The following SMYD3 variants were observed in gnomAD, a reference collection of about 807,000 sequenced individuals.
The protein encoded by SMYD3 is histone-lysine N-methyltransferase SMYD3.
SMYD3 carries 36 observed loss-of-function variants against 57.7 expected under a neutral mutation model. That is an observed-to-expected ratio of 0.62 (90% confidence interval 0.48 to 0.82). The LOEUF (loss-of-function observed/expected upper bound fraction) is 0.82, where lower values mean the gene tolerates loss of function less well. Ranked by LOEUF, SMYD3 falls within the 40% of genes least tolerant of loss-of-function variation. The probability of loss-of-function intolerance (pLI) is 0.00; values close to 1 mark genes in which losing one functional copy is unlikely to be tolerated. For synonymous variants in SMYD3, 211 were observed against 195.0 expected (o/e 1.08, Z -0.68); for missense variants, 515 against 538.8 (o/e 0.96, Z 0.44).
At chr1:246,033,702 G>A (rs1380654559) in intron 5 of SMYD3, among the ~76,000 whole-genome samples, 4 of 152,258 alleles carry the variant, frequency 2.6e-5, no homozygotes, top group African/African-American at 7.2e-5. Flanking sequence ...CACGAGAATC[G>A]CTTGAACCCA....
intron 5 of SMYD3, among the ~76,000 whole-genome samples, chr1:245,943,007 T>C (rs2057304812): frequency 6.6e-6 from 1 of 151,936 alleles, no homozygotes; most frequent in Non-Finnish European, 1.5e-5. Context: ...GAATTTATGG[T>C]ACTAAAAGCC....
At chr1:246,498,231 T>C (rs1269574702) in intron 1 of SMYD3, among the ~76,000 whole-genome samples, 1 of 152,032 alleles carries the variant, frequency 6.6e-6, no homozygotes, top group East Asian at 2.0e-4. Context: ...ACATGCAAGG[T>C]TATTCATTAG....
intron 5 of SMYD3, among the ~76,000 whole-genome samples, chr1:246,230,304 AAAG>A (rs1159930505): frequency 6.6e-6 from 1 of 152,186 alleles, no homozygotes; most frequent in Non-Finnish European, 1.5e-5. Context: ...GCAGAAAGAG[AAAG>A]AATAGGCCAT....
intron 5 of SMYD3, among the ~76,000 whole-genome samples, chr1:245,980,681 G>A (rs571742060): frequency 1.3e-5 from 2 of 152,360 alleles, no homozygotes; most frequent in South Asian, 4.1e-4. Context: ...GCAGCTGTCA[G>A]TAACTCTGCA....
chr1:246,112,627 GT>G (rs2061264523), intron 5 of SMYD3, among the ~76,000 whole-genome samples: 1 of 152,008 alleles, frequency 6.6e-6, no homozygotes, highest in Non-Finnish European at 1.5e-5. Context: ...AATTTACACC[GT>G]GAATAATGTG....
chr1:246,367,006 A>C (rs1405088215), intron 1 of SMYD3, among the ~76,000 whole-genome samples: 1 of 152,144 alleles, frequency 6.6e-6, no homozygotes, highest in East Asian at 1.9e-4. Context: ...TGGGGAAAAA[A>C]AGAGAAATGT....
intron 5 of SMYD3, among the ~76,000 whole-genome samples, chr1:246,075,829 G>A (rs1308778844): frequency 6.6e-6 from 1 of 151,442 alleles, no homozygotes; most frequent in East Asian, 1.9e-4. Flanking sequence ...AGACTGAGGA[G>A]TTCATATTTT....
At chr1:245,968,198 T>C (rs1386943850) in intron 5 of SMYD3, among the ~76,000 whole-genome samples, 1 of 150,640 alleles carries the variant, frequency 6.6e-6, no homozygotes, top group African/African-American at 2.4e-5. Context: ...CTGAGCACTT[T>C]AATCCCCCCC....
At chr1:246,416,667 A>T (rs762687944) in intron 1 of SMYD3, among the ~76,000 whole-genome samples, 1 of 152,132 alleles carries the variant, frequency 6.6e-6, no homozygotes, top group Non-Finnish European at 1.5e-5. Context: ...GCAGAAAATT[A>T]CTATGACTAT....
chr1:245,822,916 T>C (rs981330051), intron 10 of SMYD3, among the ~76,000 whole-genome samples: 1 of 152,228 alleles, frequency 6.6e-6, no homozygotes, highest in African/African-American at 2.4e-5. Flanking sequence ...CCTTAATAAA[T>C]AGAATTTGAT....
At chr1:245,857,938 C>T (rs1558428176) in intron 10 of SMYD3, among the ~76,000 whole-genome samples, 1 of 152,192 alleles carries the variant, frequency 6.6e-6, no homozygotes, top group Non-Finnish European at 1.5e-5. Flanking sequence ...CCTATAGTTC[C>T]TTCACCTGAC....
intron 1 of SMYD3, among the ~76,000 whole-genome samples, chr1:246,448,918 T>C (rs2067591719): frequency 6.6e-6 from 1 of 151,816 alleles, no homozygotes; most frequent in Non-Finnish European, 1.5e-5. Flanking sequence ...CCTGAAACCT[T>C]CCCTTTTTTC....
At chr1:246,271,848 G>A (rs1375080183) in intron 5 of SMYD3, among the ~76,000 whole-genome samples, 2 of 152,014 alleles carry the variant, frequency 1.3e-5, no homozygotes, top group Non-Finnish European at 2.9e-5. Context: ...TTGCGATTTT[G>A]ATAGGGAACG....
At chr1:245,803,423 C>T (rs1028489818) in intron 10 of SMYD3, among the ~76,000 whole-genome samples, 26 of 145,282 alleles carry the variant, frequency 1.8e-4, no homozygotes, top group African/African-American at 7.5e-4. Flanking sequence ...GCCAATTTCA[C>T]GTATGAACTG....
chr1:246,165,644 G>C (rs980808341), intron 5 of SMYD3, among the ~76,000 whole-genome samples: 2 of 152,192 alleles, frequency 1.3e-5, no homozygotes, highest in East Asian at 1.9e-4. Flanking sequence ...GTGTGCAGCT[G>C]AAGAGGCCAC....
At chr1:246,000,860 A>G (rs151156409) in intron 5 of SMYD3, among the ~76,000 whole-genome samples, 1 of 152,354 alleles carries the variant, frequency 6.6e-6, no homozygotes, top group African/African-American at 2.4e-5. Flanking sequence ...CTAAAGCCAC[A>G]TCTTGACTTA....
intron 3 of SMYD3, among the ~76,000 whole-genome samples, chr1:246,331,872 G>A (rs2065467380): frequency 6.6e-6 from 1 of 152,134 alleles, no homozygotes; most frequent in South Asian, 2.1e-4. Context: ...GATCTTTAAT[G>A]TTACTACTGT....
intron 1 of SMYD3, among the ~76,000 whole-genome samples, chr1:246,465,412 G>A (rs1456371103): frequency 6.6e-6 from 1 of 152,212 alleles, no homozygotes; most frequent in Non-Finnish European, 1.5e-5. Flanking sequence ...ATAAAACATA[G>A]CGGCATCTAC....
chr1:246,125,077 A>ACACACAC (rs1553295580), intron 5 of SMYD3, among the ~76,000 whole-genome samples: 1,595 of 104,300 alleles, frequency 0.015, 48 homozygotes, highest in Admixed American at 0.057. Context: ...GTCTCAAAAA[A>ACACACAC]AAAAAAAAAA....
Sources: allele counts gnomAD v4.1 joint callset (sites outside exome capture counted in the v4.1 genomes callset), GRCh38; gene constraint gnomAD v4.1.1; transcripts MANE v1.5; gene names NCBI Gene and HGNC (gene_info 2026-07-23, HGNC 2026-07-21).